ITPR2: variants seen among roughly 807,000 people sequenced by gnomAD.
ITPR2 encodes the protein inositol 1,4,5-trisphosphate-gated calcium channel ITPR2.
A neutral mutation model predicts 317.1 loss-of-function variants in ITPR2; 207 were observed. The ratio of observed to expected loss-of-function variants is 0.65; its 90% CI spans 0.58 to 0.73. The LOEUF (loss-of-function observed/expected upper bound fraction) is 0.73. Ranked by LOEUF, ITPR2 falls within the 30% of genes least tolerant of loss-of-function variation. The pLI is 0.00. For synonymous variants in ITPR2, 1,156 were observed against 1,149.1 expected, an observed-to-expected ratio of 1.01 and a Z score of -0.12; for missense variants, 2,613 against 3,284.0, an observed-to-expected ratio of 0.80 and a Z score of 4.99.
rs999504346 is a variant in ITPR2 at position 26,477,062 on chromosome 12, A to T, written c.6124-55T>A. The T allele has an allele frequency of 3.6e-5, 39 of 1,095,974 alleles. No homozygotes were observed. The Admixed American group carries it at 7.7e-4, about 22-fold the overall frequency. The allele number at this position is 1,095,974 out of a possible 1,614,324, so 67.9% of individuals were successfully genotyped here. ...GCAAAGTCTATTTCATGGATTAACG[A>T]TTTCTCTGCATTTGTTTTAATTGAG... is the stretch of plus-strand genomic sequence containing the variant. On this transcript the variant is annotated intron_variant, in intron 43 of 56. Transcript: ENST00000381340.
intron 8 of ITPR2, among the ~76,000 whole-genome samples, chr12:26,711,991 A>C (rs1411884882): frequency 6.6e-6 from 1 of 152,188 alleles, no homozygotes; most frequent in African/African-American, 2.4e-5. Context: ...CCAGATGCTG[A>C]GCCCCTAGGC....
chr12:26,336,852 C>T lies in ITPR2; in HGVS notation c.*2545G>A, dbSNP rs1199058351. ...AAGTCAAATATTCCAGTTGCATTAA[C>T]AAACATACACATAACAAATATAAAT... is the stretch of plus-strand genomic sequence containing the variant. On this transcript the variant is annotated 3_prime_UTR_variant, in exon 57 of 57. Coordinates refer to ENST00000381340, the MANE Select transcript of ITPR2 (RefSeq NM_002223.4). The T allele has an allele frequency of 6.6e-6, 1 of 152,062 alleles. No individual in the cohort carries two copies. Among genetic ancestry groups the T allele is most frequent in the Non-Finnish European group, 1.5e-5 (1 of 67,992 alleles). The allele number at this position is 152,062 out of a possible 1,614,324, so 9.4% of individuals were successfully genotyped here. A position where few individuals can be genotyped will look rare whatever the true frequency, so the allele number is the denominator to read the frequency against.
chr12:26,629,563 G>A (rs2136827573), intron 22 of ITPR2, among the ~76,000 whole-genome samples: 1 of 150,610 alleles, frequency 6.6e-6, no homozygotes, highest in Middle Eastern at 3.4e-3. Flanking sequence ...TTCTGCCTGG[G>A]TGACACAGCA....
At chr12:26,453,808 C>T (rs753107260) in intron 45 of ITPR2, among the ~76,000 whole-genome samples, 8 of 152,192 alleles carry the variant, frequency 5.3e-5, no homozygotes, top group Non-Finnish European at 1.2e-4. Flanking sequence ...GAAAAACTAG[C>T]AGAACAGAAG....
At chr12:26,546,194 A>AG (rs1944387794) in intron 37 of ITPR2, among the ~76,000 whole-genome samples, 1 of 152,238 alleles carries the variant, frequency 6.6e-6, no homozygotes, top group Non-Finnish European at 1.5e-5. Flanking sequence ...ATAAATGTGT[A>AG]GTGATCAAGT....
At chr12:26,826,943 G>C (rs1163935056) in intron 1 of ITPR2, among the ~76,000 whole-genome samples, 1 of 152,160 alleles carries the variant, frequency 6.6e-6, no homozygotes, top group Non-Finnish European at 1.5e-5. Context: ...GTGAATATCT[G>C]TTGTCATCAG....
At chr12:26,815,256 T>C (rs1041444859) in intron 1 of ITPR2, among the ~76,000 whole-genome samples, 13 of 151,928 alleles carry the variant, frequency 8.6e-5, no homozygotes, top group African/African-American at 2.4e-4. Context: ...CACTTGAACC[T>C]GGGAGGCAGA....
chr12:26,576,469 C>A (rs1945279460), intron 34 of ITPR2, among the ~76,000 whole-genome samples: 1 of 152,100 alleles, frequency 6.6e-6, no homozygotes, highest in South Asian at 2.1e-4. Context: ...CTTCACTTCC[C>A]CTCCCACACC....
intron 55 of ITPR2, among the ~76,000 whole-genome samples, chr12:26,370,887 C>G (rs1341561273): frequency 6.6e-6 from 1 of 152,140 alleles, no homozygotes; most frequent in Non-Finnish European, 1.5e-5. Flanking sequence ...GTTAGCTAAG[C>G]TGGTCTCGAA....
chr12:26,348,015 C>G (rs538784666), intron 55 of ITPR2, among the ~76,000 whole-genome samples: 1 of 152,330 alleles, frequency 6.6e-6, no homozygotes, highest in South Asian at 2.1e-4. Flanking sequence ...AGACCATTTC[C>G]TAAGGTTTTT....
chr12:26,566,549 G>A (rs1201922395), intron 34 of ITPR2, among the ~76,000 whole-genome samples: 1 of 147,072 alleles, frequency 6.8e-6, no homozygotes, highest in Non-Finnish European at 1.5e-5. Flanking sequence ...AGAGGAGAAG[G>A]ATAAGGAGGA....
Position 26,682,668 on chromosome 12 carries a change from G to A in ITPR2, c.1154C>T (p.Ser385Leu). Residue 385 changes from serine to leucine, a missense_variant, in exon 12 of 57, where the codon TCA becomes TTA. Ser to Leu is a moderately radical substitution (Grantham distance 145). Around this residue, in one of 9 missense-constraint regions of ITPR2, gnomAD observed 515 missense variants for 789.4 expected, o/e 0.65. Transcript: ENST00000381340. ...GCATAAATGCCTTAACCGAACATAT[G>A]AGTTCCTAAAAGCAAAACAATATAA... ...QRADCLVPRN[S>L]YVRLRHLCTN... is the part of the protein sequence containing the mutation. 6.2e-7 allele frequency: 1 copy of A among 1,606,850 alleles called. No homozygotes were observed. Among genetic ancestry groups the A allele is most frequent in the Non-Finnish European group, 8.5e-7 (1 of 1,174,932 alleles).
chr12:26,364,729 T>C (rs1431515452), intron 55 of ITPR2, among the ~76,000 whole-genome samples: 1 of 152,254 alleles, frequency 6.6e-6, no homozygotes, highest in Non-Finnish European at 1.5e-5. Context: ...TCTGTCCTGC[T>C]TGAAAATCAA....
intron 2 of ITPR2, among the ~76,000 whole-genome samples, chr12:26,769,800 G>C (rs1197027556): frequency 6.6e-6 from 1 of 152,102 alleles, no homozygotes; most frequent in Admixed American, 6.6e-5. Context: ...CGGATGGGGG[G>C]AGTGGCTTAC....
At chr12:26,382,489 A>G (rs1171324154) in intron 55 of ITPR2, among the ~76,000 whole-genome samples, 1 of 152,082 alleles carries the variant, frequency 6.6e-6, no homozygotes, top group Non-Finnish European at 1.5e-5. Context: ...ATGTGGTGAA[A>G]CCCTGTCTCC....
At chr12:26,388,534 G>A (rs1447736845) in intron 54 of ITPR2, among the ~76,000 whole-genome samples, 1 of 151,952 alleles carries the variant, frequency 6.6e-6, no homozygotes, top group Non-Finnish European at 1.5e-5. Flanking sequence ...GCTCAATGCA[G>A]ACTCAACCTC....
chr12:26,369,987 AC>A (rs1375912991), intron 55 of ITPR2, among the ~76,000 whole-genome samples: 4 of 152,158 alleles, frequency 2.6e-5, no homozygotes, highest in Non-Finnish European at 4.4e-5. Flanking sequence ...AGGGTGATGT[AC>A]CCAGATTCCA....
At chr12:26,624,233 T>C in intron 24 of ITPR2, 66 bp downstream of exon 24, 2 of 1,047,428 alleles carry the variant, frequency 1.9e-6, no homozygotes, top group Non-Finnish European at 2.9e-6. Flanking sequence ...AATATCAAAG[T>C]ATCAATAGAA....
intron 2 of ITPR2, among the ~76,000 whole-genome samples, chr12:26,784,539 T>C (rs1354675337): frequency 1.3e-5 from 2 of 151,552 alleles, no homozygotes; most frequent in East Asian, 3.9e-4. Flanking sequence ...AGACGGGGTT[T>C]TGCTGTGTTG....
Sources: gnomAD v4.1 joint callset for allele counts (sites outside exome capture counted in the v4.1 genomes callset) on GRCh38, gnomAD v4.1.1 for gene constraint, gnomAD v4.1.1 regional missense constraint, MANE v1.5 for transcripts, NCBI Gene and HGNC (gene_info 2026-07-23, HGNC 2026-07-21) for gene names.